Variants in DEPTOR observed in about 807,000 individuals in gnomAD.
DEPTOR encodes the protein DEP domain-containing mTOR-interacting protein.
A neutral mutation model predicts 41.6 loss-of-function variants in DEPTOR; 41 were observed. That is an observed-to-expected ratio of 0.98 (90% CI 0.77 to 1.28). DEPTOR has a LOEUF of 1.28. Among genes scored for constraint, DEPTOR ranks in the 50% most tolerant of loss-of-function variants. The probability of loss-of-function intolerance (pLI) is 0.00; values close to 1 mark genes in which losing one functional copy is unlikely to be tolerated. For synonymous variants in DEPTOR, 195 were observed against 192.3 expected, an observed-to-expected ratio of 1.01 and a Z score of -0.12; for missense variants, 514 against 527.9, an observed-to-expected ratio of 0.97 and a Z score of 0.26.
chr8:119,991,043 TTTC>T (rs879490909), intron 4 of DEPTOR, among the ~76,000 whole-genome samples: 33,367 of 74,732 alleles, frequency 0.45, 4,899 homozygotes, highest in Middle Eastern at 0.47. Context: ...TCTTTCTTTC[TTTC>T]TTTCTTTCTT....
rs573940187 is a variant in DEPTOR, at chr8:120,043,612, A to T, written c.1102-5964A>T. ...TATTTTACTTTATAAATTTGTTCTT[A>T]TGTAGGCCTGTAGAGTATCCTGGAG... On this transcript the variant is annotated intron_variant, in intron 8 of 8. Transcript: ENST00000286234. Among the ~76,000 whole-genome samples the T allele has an allele frequency of 2.6e-5, 4 of 152,302 alleles. No individual in the cohort carries two copies. In the South Asian group the frequency reaches 8.3e-4, roughly 32 times the overall value.
intron 6 of DEPTOR, among the ~76,000 whole-genome samples, chr8:120,003,994 A>G (rs1812395209): frequency 6.6e-6 from 1 of 152,246 alleles, no homozygotes; most frequent in East Asian, 1.9e-4. Flanking sequence ...GTCCACCCCC[A>G]GTTCAGTTTG....
intron 4 of DEPTOR, among the ~76,000 whole-genome samples, chr8:119,996,875 T>C (rs1194959955): frequency 6.6e-6 from 1 of 152,204 alleles, no homozygotes; most frequent in Non-Finnish European, 1.5e-5. Flanking sequence ...TGAGGATTTT[T>C]TAAAAATCTC....
At chr8:119,900,731 A>G (rs1264592830) in intron 1 of DEPTOR, among the ~76,000 whole-genome samples, 3 of 152,050 alleles carry the variant, frequency 2.0e-5, no homozygotes, top group Non-Finnish European at 4.4e-5. Context: ...AGACAGAGCT[A>G]TTTATATTAA....
At chr8:119,997,430 C>T (rs1003305606) in intron 4 of DEPTOR, among the ~76,000 whole-genome samples, 3 of 152,118 alleles carry the variant, frequency 2.0e-5, no homozygotes, top group African/African-American at 7.2e-5. Context: ...TTTTTGGAGA[C>T]AGAATATGTT....
intron 1 of DEPTOR, chr8:119,874,220 T>C: frequency 1.9e-6 from 1 of 537,152 alleles, no homozygotes; most frequent in South Asian, 2.4e-5. Context: ...CGCCCTAGCC[T>C]GGCTGCTGCA....
At chr8:119,899,297 C>T (rs1460834806) in intron 1 of DEPTOR, among the ~76,000 whole-genome samples, 2 of 152,080 alleles carry the variant, frequency 1.3e-5, no homozygotes, top group Admixed American at 6.6e-5. Context: ...GAGTCTCTTT[C>T]GATATCTTTT....
At chr8:120,005,447 A>G (rs1222608054) in intron 6 of DEPTOR, among the ~76,000 whole-genome samples, 2 of 152,232 alleles carry the variant, frequency 1.3e-5, no homozygotes, top group Admixed American at 1.3e-4. Context: ...CCGTTCATGT[A>G]ACCAGTGGGC....
Position 120,017,602 on chromosome 8 carries a change from G to A in DEPTOR, c.1101+8469G>A, listed in dbSNP as rs1812633849. Among the ~76,000 whole-genome samples, 6 of 152,124 alleles carry A rather than the reference G, an allele frequency of 3.9e-5. No homozygotes were observed. In the South Asian group the frequency reaches 1.2e-3, roughly 32 times the overall value. On this transcript the variant is annotated intron_variant, in intron 8 of 8. Coordinates refer to ENST00000286234, the MANE Select transcript of DEPTOR (RefSeq NM_022783.4). Reference sequence around the variant, plus strand: ...ATTCTTGGCATCAGCTGCTCACTTAGGTCAGGACTAGATCTAGCAGGGTCA... The same window carrying A: ...ATTCTTGGCATCAGCTGCTCACTTAAGTCAGGACTAGATCTAGCAGGGTCA...
chr8:119,877,994 C>T (rs1477552659), intron 1 of DEPTOR, among the ~76,000 whole-genome samples: 2 of 152,062 alleles, frequency 1.3e-5, no homozygotes, highest in South Asian at 2.1e-4. Flanking sequence ...TGCAATGGCG[C>T]GATCTCGGCT....
At chr8:119,915,853 G>A (rs1827803887) in intron 1 of DEPTOR, among the ~76,000 whole-genome samples, 1 of 151,270 alleles carries the variant, frequency 6.6e-6, no homozygotes, top group Admixed American at 6.6e-5. Flanking sequence ...TCCACCAGAA[G>A]GGCTCTCTTT....
intron 7 of DEPTOR, among the ~76,000 whole-genome samples, chr8:120,008,326 G>A (rs1157841515): frequency 1.3e-5 from 2 of 152,074 alleles, no homozygotes; most frequent in East Asian, 1.9e-4. Context: ...TCAGGAGTTC[G>A]AGACCAGCCT....
intron 4 of DEPTOR, among the ~76,000 whole-genome samples, chr8:119,992,823 A>G (rs1308375333): frequency 6.6e-6 from 1 of 151,772 alleles, no homozygotes; most frequent in Non-Finnish European, 1.5e-5. Context: ...TGCCTGGCTA[A>G]TTTTTATGTT....
intron 8 of DEPTOR, among the ~76,000 whole-genome samples, chr8:120,019,838 C>T (rs1812671325): frequency 6.6e-6 from 1 of 152,112 alleles, no homozygotes; most frequent in Non-Finnish European, 1.5e-5. Context: ...TCGAGTTGCC[C>T]TCTGCCCTGT....
chr8:119,975,644 C>T (rs186900735), intron 4 of DEPTOR, among the ~76,000 whole-genome samples: 1 of 152,072 alleles, frequency 6.6e-6, no homozygotes, highest in African/African-American at 2.4e-5. Context: ...ACTGACTTAT[C>T]AGGGTTATTT....
intron 4 of DEPTOR, among the ~76,000 whole-genome samples, chr8:119,988,406 C>A (rs1242639669): frequency 6.6e-6 from 1 of 152,182 alleles, no homozygotes; most frequent in Non-Finnish European, 1.5e-5. Flanking sequence ...AAATCACCCA[C>A]CTTCTGCGTT....
chr8:119,965,498 C>T, intron 4 of DEPTOR, 88 bp downstream of exon 4: 2 of 1,479,522 alleles, frequency 1.4e-6, no homozygotes, highest in Non-Finnish European at 1.8e-6. Flanking sequence ...ATTTCTCACT[C>T]ATGAATCTGT....
rs1276907441 is a variant in DEPTOR at position 119,961,432 on chromosome 8, A to AC, written c.426-3800_426-3799insC. Among the ~76,000 whole-genome samples the AC allele has an allele frequency of 3.3e-5, 5 of 151,424 alleles. No individual in the cohort carries two copies. In the East Asian group the frequency reaches 7.8e-4, roughly 24 times the overall value. On this transcript the variant is annotated intron_variant, in intron 3 of 8. Coordinates refer to ENST00000286234, the MANE Select transcript of DEPTOR (RefSeq NM_022783.4). ...ACTCCGTATCAAAAAAAAAAAAAAA[A>AC]AGTGGCTTGCCTTACATCTCAAAGC...
chr8:119,978,357 A>G (rs1316984486), intron 4 of DEPTOR, among the ~76,000 whole-genome samples: 2 of 152,202 alleles, frequency 1.3e-5, no homozygotes, highest in Non-Finnish European at 2.9e-5. Context: ...GCTCGCTAGA[A>G]GAGCATATCA....
Sources: allele counts gnomAD v4.1 joint callset (sites outside exome capture counted in the v4.1 genomes callset), GRCh38; gene constraint gnomAD v4.1.1; transcripts MANE v1.5; gene names NCBI Gene and HGNC (gene_info 2026-07-23, HGNC 2026-07-21).